The following KCNH5 variants were observed in gnomAD, a reference collection of about 807,000 sequenced individuals.
KCNH5 encodes potassium voltage-gated channel subfamily H member 5, also known as voltage-gated delayed rectifier potassium channel KCNH5.
A neutral mutation model predicts 96.1 loss-of-function variants in KCNH5; 46 were observed. The ratio of observed to expected loss-of-function variants is 0.48; its 90% confidence interval spans 0.38 to 0.61. KCNH5 has a LOEUF of 0.61. Ranked by LOEUF, KCNH5 falls within the 20% of genes least tolerant of loss-of-function variation. KCNH5 has a pLI of 0.00. For missense variants in KCNH5, 907 were observed against 1,225.8 expected (o/e 0.74, Z 3.88); for synonymous variants, 439 against 449.8 (o/e 0.98, Z 0.30).
At chr14:62,917,387 A>G (rs563185144) in intron 7 of KCNH5, among the ~76,000 whole-genome samples, 1 of 151,014 alleles carries the variant, frequency 6.6e-6, no homozygotes, top group Non-Finnish European at 1.5e-5. Context: ...TCTCAGATAC[A>G]GAGCTTTGCC....
intron 7 of KCNH5, among the ~76,000 whole-genome samples, chr14:62,905,476 T>C (rs1351276469): frequency 6.6e-6 from 1 of 152,186 alleles, no homozygotes; most frequent in Non-Finnish European, 1.5e-5. Flanking sequence ...AAGATCTCCT[T>C]TCTATCATTC....
chr14:62,705,026 T>C lies in KCNH5; in HGVS notation c.*2482A>G, dbSNP rs752069184. 1 of 151,954 alleles carries C rather than the reference T, an allele frequency of 6.6e-6. No individual in the cohort carries two copies. The highest frequency in any genetic ancestry group is 1.5e-5 in the Non-Finnish European group (1 of 67,838). The allele number at this position is 151,954 out of a possible 1,614,324, so 9.4% of individuals were successfully genotyped here. On this transcript the variant is annotated 3_prime_UTR_variant, in exon 11 of 11. Coordinates refer to ENST00000322893, the MANE Select transcript of KCNH5 (RefSeq NM_139318.5). ...CATGCACACAGAGAACAGAGATGGC[T>C]GAAAAGACACTATGATAACTGCACC...
At chr14:63,023,137 A>G (rs75911085) in intron 1 of KCNH5, among the ~76,000 whole-genome samples, 7,248 of 151,866 alleles carry the variant, frequency 0.048, 199 homozygotes, top group East Asian at 0.062. Context: ...TGGGAGGTGG[A>G]GGTTACAGTG....
At chr14:62,904,690 C>T (rs913898885) in intron 7 of KCNH5, among the ~76,000 whole-genome samples, 2 of 152,186 alleles carry the variant, frequency 1.3e-5, no homozygotes, top group African/African-American at 2.4e-5. Flanking sequence ...ACAAATGCTA[C>T]ACTGAGGCTT....
chr14:62,906,422 T>A (rs887836518), intron 7 of KCNH5, among the ~76,000 whole-genome samples: 1 of 152,136 alleles, frequency 6.6e-6, no homozygotes, highest in Non-Finnish European at 1.5e-5. Context: ...AAAGGAAACA[T>A]AGAAGCTCAT....
chr14:62,747,678 T>A (rs1348621682), intron 10 of KCNH5, among the ~76,000 whole-genome samples: 2 of 152,314 alleles, frequency 1.3e-5, no homozygotes, highest in East Asian at 3.9e-4. Flanking sequence ...TTCGTTAACC[T>A]AAATTAGAGA....
rs1039031699 is a variant in KCNH5 at position 62,953,182 on chromosome 14, A to G, written c.943-2623T>C. ...ATAAAGTATATATAAAATATTAGTA[A>G]TATATACACATATATATCAAGCATT... On this transcript the variant is annotated intron_variant, in intron 6 of 10. Coordinates refer to ENST00000322893, the MANE Select transcript of KCNH5 (RefSeq NM_139318.5). Among the ~76,000 whole-genome samples the G allele has an allele frequency of 5.3e-5, 8 of 151,688 alleles. No homozygotes were observed. The South Asian group carries it at 1.5e-3, about 28-fold the overall frequency.
intron 7 of KCNH5, among the ~76,000 whole-genome samples, chr14:62,941,290 G>A (rs1889785170): frequency 6.6e-6 from 1 of 152,150 alleles, no homozygotes; most frequent in Non-Finnish European, 1.5e-5. Context: ...GAGGCTTTGT[G>A]AAAATGTGAC....
chr14:62,814,782 C>CAAAAAAAA (rs71120235), intron 8 of KCNH5, among the ~76,000 whole-genome samples: 1,068 of 33,734 alleles, frequency 0.032, 244 homozygotes, highest in South Asian at 0.04. Context: ...GACTCCATCT[C>CAAAAAAAA]AAAAAAAAAA....
chr14:62,992,971 C>G (rs893049925), intron 4 of KCNH5, among the ~76,000 whole-genome samples: 12 of 151,872 alleles, frequency 7.9e-5, no homozygotes, highest in African/African-American at 2.9e-4. Flanking sequence ...GCTAATCCAT[C>G]TTGAGTTGAT....
At chr14:62,961,120 G>A (rs1252224960) in intron 6 of KCNH5, among the ~76,000 whole-genome samples, 1 of 151,982 alleles carries the variant, frequency 6.6e-6, no homozygotes, top group African/African-American at 2.4e-5. Flanking sequence ...ATTATGATAT[G>A]TGTACAAGCA....
chr14:62,987,615 C>T lies in KCNH5; in HGVS notation c.434-428G>A, dbSNP rs575786480. Among the ~76,000 whole-genome samples, 5 of 152,236 alleles carry T rather than the reference C, an allele frequency of 3.3e-5. No individual in the cohort carries two copies. The South Asian group carries it at 1.0e-3, about 32-fold the overall frequency. On this transcript the variant is annotated intron_variant, in intron 4 of 10. Coordinates refer to ENST00000322893, the MANE Select transcript of KCNH5 (RefSeq NM_139318.5). Reference sequence around the variant, plus strand: ...GAAGTAATGTGTGTCACTTCCATGCCGTGATTTAAGAAACAACTGTGACTT... The same window carrying T: ...GAAGTAATGTGTGTCACTTCCATGCTGTGATTTAAGAAACAACTGTGACTT...
intron 4 of KCNH5, 108 bp downstream of exon 4, chr14:63,001,223 C>T: frequency 1.1e-6 from 1 of 911,542 alleles, no homozygotes; most frequent in Non-Finnish European, 1.6e-6. Context: ...AAAAGAAAGG[C>T]CACATAGTAG....
At position 62,874,166 on chromosome 14, in the gene KCNH5, G is replaced by T. The variant is rs184820578; in HGVS notation, c.1370-24314C>A. Among the ~76,000 whole-genome samples, 522 of 152,202 alleles carry T rather than the reference G, an allele frequency of 3.4e-3. 3 individuals are homozygous for T. The highest frequency in any genetic ancestry group is 0.012 in the African/African-American group (504 of 41,530). ...TGTATATCTGTTTACTACTACAGAA[G>T]ATTTTAACTTCACAAGGAAACTCAT... On this transcript the variant is annotated intron_variant, in intron 7 of 10. Transcript: ENST00000322893.
At chr14:62,718,038 T>A (rs1378852892) in intron 10 of KCNH5, among the ~76,000 whole-genome samples, 1 of 152,092 alleles carries the variant, frequency 6.6e-6, no homozygotes, top group Admixed American at 6.6e-5. Context: ...TACTGCATGG[T>A]CTCACTTACA....
At chr14:62,708,586 A>G (rs1165621699) in intron 10 of KCNH5, 131 bp from the exon 11 acceptor site, 2 of 564,490 alleles carry the variant, frequency 3.5e-6, no homozygotes, top group Non-Finnish European at 5.8e-6. Flanking sequence ...ATTTCTCAAG[A>G]AAAAAAAATT....
intron 8 of KCNH5, among the ~76,000 whole-genome samples, chr14:62,828,195 T>A (rs2140024727): frequency 6.6e-6 from 1 of 152,244 alleles, no homozygotes; most frequent in African/African-American, 2.4e-5. Context: ...AATTCCTTGT[T>A]TTTCTATATT....
intron 7 of KCNH5, among the ~76,000 whole-genome samples, chr14:62,907,674 G>A (rs1439702402): frequency 6.6e-6 from 1 of 152,142 alleles, no homozygotes; most frequent in Non-Finnish European, 1.5e-5. Flanking sequence ...AAAACTAAAA[G>A]CAAGTAGGAT....
intron 7 of KCNH5, among the ~76,000 whole-genome samples, chr14:62,936,044 G>A (rs1889674122): frequency 6.6e-6 from 1 of 152,146 alleles, no homozygotes; most frequent in African/African-American, 2.4e-5. Context: ...TCAGGGGAGA[G>A]CCAGAAAGAG....
Sources: gnomAD v4.1 joint callset for allele counts (sites outside exome capture counted in the v4.1 genomes callset) on GRCh38, gnomAD v4.1.1 for gene constraint, MANE v1.5 for transcripts, NCBI Gene and HGNC (gene_info 2026-07-23, HGNC 2026-07-21) for gene names.